TMEM59L: variants seen among roughly 807,000 people sequenced by gnomAD.
TMEM59L encodes the protein transmembrane protein 59-like.
A neutral mutation model predicts 39.6 loss-of-function variants in TMEM59L; 31 were observed. That is an observed-to-expected ratio of 0.78 (90% CI 0.59 to 1.06). TMEM59L has a LOEUF of 1.06. Ranked by LOEUF, TMEM59L falls within the 50% of genes least tolerant of loss-of-function variation. TMEM59L has a pLI of 0.00. For missense variants in TMEM59L, 441 were observed against 451.3 expected (o/e 0.98, Z 0.21); for synonymous variants, 219 against 202.9 (o/e 1.08, Z -0.68).
chr19:18,620,337 G>A, intron 7 of TMEM59L, 71 bp from the exon 8 acceptor site: 1 of 1,423,686 alleles, frequency 7.0e-7, no homozygotes. Flanking sequence ...GAGGTGGGAA[G>A]GAGACAGTCA....
rs1025614695 is a variant in TMEM59L, at chr19:18,617,306, C to T, written c.664+204C>T. The T allele has an allele frequency of 2.0e-5, 13 of 664,662 alleles. 1 individual carries two copies. Among genetic ancestry groups the T allele is most frequent in the South Asian group, 6.0e-5 (4 of 66,390 alleles). The allele number at this position is 664,662 out of a possible 1,614,324, so 41.2% of individuals were successfully genotyped here. The stretch of plus-strand genomic sequence containing the variant: ...TTCCATGGTCCACTTCTCAGGGTTC[C>T]GTGGTCTACTTCCCAGGGTTCCGTG... On this transcript the variant is annotated intron_variant, in intron 5 of 7. Coordinates refer to ENST00000262817, the MANE Select transcript of TMEM59L (RefSeq NM_012109.3).
At position 18,616,115 on chromosome 19, in the gene TMEM59L, G is replaced by C. The variant is rs1976424938; in HGVS notation, c.549G>C (p.Val183=). The C allele has an allele frequency of 6.2e-7, 1 of 1,614,012 alleles. No individual in the cohort carries two copies. Among genetic ancestry groups the C allele is most frequent in the Non-Finnish European group, 8.5e-7 (1 of 1,179,962 alleles). The part of the protein sequence containing the change: ...TYYLQTDNGK[V]VVFQTQPIVE... ...ACTTGCAGACTGACAATGGGAAAGTGGTGGTGTTTCAGGTGAGACCTCTGA... is the reference window on the plus strand; with the variant it reads ...ACTTGCAGACTGACAATGGGAAAGTCGTGGTGTTTCAGGTGAGACCTCTGA... The change falls in exon 4 of 8, where the codon GTG becomes GTC. Residue 183 remains valine (V), a synonymous_variant. Coordinates refer to ENST00000262817, the MANE Select transcript of TMEM59L (RefSeq NM_012109.3).
At chr19:18,613,512 T>C in intron 1 of TMEM59L, among the ~76,000 whole-genome samples, 1 of 143,596 alleles carries the variant, frequency 7.0e-6, no homozygotes, top group Non-Finnish European at 1.5e-5. Context: ...ATACCACCAC[T>C]CCCCAGGATT....
chr19:18,614,314 T>A, intron 3 of TMEM59L, 119 bp downstream of exon 3: 1 of 1,168,854 alleles, frequency 8.6e-7, no homozygotes, highest in Non-Finnish European at 1.2e-6. Flanking sequence ...ATACCAGGCC[T>A]GCAGGGCAAC....
chr19:18,619,379 G>A (rs970092190), intron 7 of TMEM59L, among the ~76,000 whole-genome samples: 9 of 152,216 alleles, frequency 5.9e-5, no homozygotes, highest in Non-Finnish European at 1.3e-4. Context: ...GGGGCGACAT[G>A]AAGTCAGAGG....
rs368664494 is a variant in TMEM59L, at chr19:18,615,953, G to A, written c.409-22G>A. The A allele has an allele frequency of 2.6e-5, 42 of 1,611,838 alleles. No individual in the cohort carries two copies. In the South Asian group the frequency reaches 3.1e-4, roughly 12 times the overall value. On this transcript the variant is annotated intron_variant, in intron 3 of 7. Transcript: ENST00000262817. ...TGCCCTATTTCGGTGCCATCTTTGT[G>A]TCTTGGACCTTTTTTCACCAGAGAA...
Position 18,614,101 on chromosome 19 carries a change from C to T in TMEM59L, c.317-3C>T. On this transcript the variant is annotated splice_region_variant and splice_polypyrimidine_tract_variant and intron_variant, in intron 2 of 7. Transcript: ENST00000262817. ...CCCAGTCACCCGCTCCCACCTCCCA[C>T]AGCCTGCGTGGAAGCCTATGTGAAG... 1 of 1,612,322 alleles carries T rather than the reference C, an allele frequency of 6.2e-7. No individual in the cohort carries two copies. The highest frequency in any genetic ancestry group is 2.2e-5 in the East Asian group (1 of 44,868).
chr19:18,614,289 C>G (rs1353037506), intron 3 of TMEM59L, 94 bp downstream of exon 3: 1 of 1,385,942 alleles, frequency 7.2e-7, no homozygotes, highest in Admixed American at 2.0e-5. Flanking sequence ...GAGGCTCTGC[C>G]AGACTCTGCG....
rs1317805265 is a variant in TMEM59L at position 18,613,012 on chromosome 19, G to A, written c.54G>A (p.Ala18=). 2.2e-6 allele frequency: 3 copies of A among 1,383,740 alleles called. No homozygotes were observed. The highest frequency in any genetic ancestry group is 2.8e-6 in the Non-Finnish European group (3 of 1,070,708). 85.7% of individuals were successfully genotyped at this position (1,383,740 alleles called of 1,614,324 possible). ...CGCTGCTGCTGCTGCTGCTGTTGGC[G>A]TCGCCGCCCGCCGCCTCCGCGCCGT... The part of the protein sequence containing the change: ...PPPLLLLLLL[A]SPPAASAPSA... The change falls in exon 1 of 8, where the codon GCG becomes GCA. Residue 18 remains alanine, a synonymous_variant. Coordinates refer to ENST00000262817, the MANE Select transcript of TMEM59L (RefSeq NM_012109.3).
In TMEM59L at chr19:18,618,186, G is replaced by A; in HGVS notation, c.696G>A (p.Lys232=). The A allele has an allele frequency of 6.2e-7, 1 of 1,613,802 alleles. No individual in the cohort carries two copies. Among genetic ancestry groups the A allele is most frequent in the Non-Finnish European group, 8.5e-7 (1 of 1,179,950 alleles). Residue 232 remains lysine, a synonymous_variant, in exon 6 of 8, where the codon AAG becomes AAA. Coordinates refer to ENST00000262817, the MANE Select transcript of TMEM59L (RefSeq NM_012109.3). ...TAGGCCCCCTGGACAAGGTGAGGAA[G>A]GCCAAGATCCGAGTCAAGACCAGCA... ...DPVGPLDKVR[K]AKIRVKTSSK...
In TMEM59L at chr19:18,618,275, G is replaced by A. The variant is rs1371021929; in HGVS notation, c.782+3G>A. The A allele has an allele frequency of 2.0e-6, 3 of 1,486,802 alleles. No individual in the cohort carries two copies. The allele number at this position is 1,486,802 out of a possible 1,614,324, so 92.1% of individuals were successfully genotyped here. A position where few individuals can be genotyped will look rare whatever the true frequency, so the allele number is the denominator to read the frequency against. The stretch of plus-strand genomic sequence containing the variant: ...GACTTCCTCAGTTGCATGTCCCGGT[G>A]GGTGGCAGGACCTTGGGGGTGGGAG... On this transcript the variant is annotated splice_donor_region_variant and intron_variant, in intron 6 of 7. Transcript: ENST00000262817.
At chr19:18,617,702 G>A (rs577993764) in intron 5 of TMEM59L, 7 of 443,664 alleles carry the variant, frequency 1.6e-5, no homozygotes, top group Non-Finnish European at 2.7e-5. Context: ...ATCCCCCAGG[G>A]TTCTGCAGTC....
Position 18,618,478 on chromosome 19 carries a change from C to T in TMEM59L, c.886C>T (p.His296Tyr). The T allele has an allele frequency of 6.2e-7, 1 of 1,602,846 alleles. No individual in the cohort carries two copies. Among genetic ancestry groups the T allele is most frequent in the East Asian group, 2.2e-5 (1 of 44,554 alleles). The change falls in exon 7 of 8, where the codon CAC becomes TAC. Residue 296 changes from histidine (H) to tyrosine (Y), a missense_variant. Physicochemically the swap from His to Tyr is moderately conservative, Grantham distance 83. Coordinates refer to ENST00000262817, the MANE Select transcript of TMEM59L (RefSeq NM_012109.3). ...CACCCTGGTGACCGCGCCTGGCCAG[C>T]ACCTCAAGTTCCAGGTGGGTGGGAT... ...CSTLVTAPGQ[H>Y]LKFQPLTLEQ...
rs1436809634 is a variant in TMEM59L, at chr19:18,618,364, G to A, written c.783-11G>A. On this transcript the variant is annotated splice_polypyrimidine_tract_variant and intron_variant, in intron 6 of 7. Coordinates refer to ENST00000262817, the MANE Select transcript of TMEM59L (RefSeq NM_012109.3). ...CCTGGGCAGCTGAGTGGTGCCTGCC[G>A]GGCGGGGCAGGCGCTCGGGTCTGCC... 7 of 1,605,434 alleles carry A rather than the reference G, an allele frequency of 4.4e-6. No homozygotes were observed. Among genetic ancestry groups the A allele is most frequent in the Admixed American group, 1.7e-5 (1 of 59,434 alleles).
At chr19:18,616,229 TG>T in intron 4 of TMEM59L, 102 bp downstream of exon 4, 1 of 1,425,738 alleles carries the variant, frequency 7.0e-7, no homozygotes. Context: ...AAGTCCACAG[TG>T]GGCGAGCTTC....
At chr19:18,619,858 A>G (rs1357908300) in intron 7 of TMEM59L, among the ~76,000 whole-genome samples, 2 of 151,434 alleles carry the variant, frequency 1.3e-5, no homozygotes, top group African/African-American at 2.4e-5. Context: ...CATGTTTATG[A>G]TCCCAGCTAC....
At chr19:18,616,937 C>A in intron 4 of TMEM59L, 63 bp from the exon 5 acceptor site, 2 of 1,295,714 alleles carry the variant, frequency 1.5e-6, no homozygotes, top group Non-Finnish European at 1.1e-6. Context: ...TCACAGAGGG[C>A]CTGCCTGGGC....
intron 4 of TMEM59L, 107 bp downstream of exon 4, chr19:18,616,234 G>A (rs773272535): frequency 2.8e-5 from 38 of 1,380,752 alleles, no homozygotes; most frequent in Non-Finnish European, 3.3e-5. Flanking sequence ...CACAGTGGGC[G>A]AGCTTCAGGC....
chr19:18,619,132 C>T (rs948533824), intron 7 of TMEM59L, among the ~76,000 whole-genome samples: 29 of 152,266 alleles, frequency 1.9e-4, no homozygotes, highest in African/African-American at 7.0e-4. Context: ...GCTGGGACCA[C>T]AGTCACGTGC....
Sources: allele counts gnomAD v4.1 joint callset (sites outside exome capture counted in the v4.1 genomes callset), GRCh38; gene constraint gnomAD v4.1.1; transcripts MANE v1.5; gene names NCBI Gene and HGNC (gene_info 2026-07-23, HGNC 2026-07-21).